The following FAM161B variants were observed in gnomAD, a reference collection of about 807,000 sequenced individuals.
FAM161B encodes protein FAM161B.
In FAM161B, 46 loss-of-function variants were observed where a neutral mutation model predicts 61.5. The observed-to-expected ratio is 0.75, with a 90% CI of 0.59 to 0.96. FAM161B has a LOEUF of 0.96. Among genes scored for constraint, FAM161B ranks in the 40% least tolerant of loss-of-function variants. FAM161B has a pLI of 0.00. For synonymous variants in FAM161B, 284 were observed against 302.7 expected (o/e 0.94, Z 0.64); for missense variants, 774 against 800.7 (o/e 0.97, Z 0.40).
intron 8 of FAM161B, among the ~76,000 whole-genome samples, chr14:73,935,388 C>T (rs772559801): frequency 9.9e-5 from 15 of 151,884 alleles, no homozygotes; most frequent in Non-Finnish European, 1.8e-4. Context: ...ATTAGCCAGG[C>T]GTGATGGCGG....
At chr14:73,929,064 G>A (rs2055874450), downstream of FAM161B, among the ~76,000 whole-genome samples, 1 of 152,200 alleles carries the variant, frequency 6.6e-6, no homozygotes, top group African/African-American at 2.4e-5. Flanking sequence ...TGCTGTCCTG[G>A]ATGTAGCTCA....
At chr14:73,949,017 C>G (rs2056097555) in intron 1 of FAM161B, among the ~76,000 whole-genome samples, 1 of 152,118 alleles carries the variant, frequency 6.6e-6, no homozygotes, top group Non-Finnish European at 1.5e-5. Flanking sequence ...CTCCCGGGTT[C>G]AAGTGATTCT....
chr14:73,924,772 G>A, the FAM161B span: 3 of 410,710 alleles, frequency 7.3e-6, no homozygotes, highest in South Asian at 3.6e-5. Flanking sequence ...TGCCTCCCAG[G>A]TTCAAGCGAT....
downstream of FAM161B, chr14:73,927,922 C>T (rs2055858105): frequency 6.0e-6 from 1 of 166,100 alleles, no homozygotes; most frequent in African/African-American, 2.4e-5. Flanking sequence ...ACTGCAACCT[C>T]TACCTCCTGG....
chr14:73,940,915 TG>T lies in FAM161B; in HGVS notation c.1400+10del. The T allele has an allele frequency of 6.2e-7, 1 of 1,605,246 alleles. No individual in the cohort carries two copies. ...ATCAGAGCATGGGTCTCGTGCAGCC[TG>T]ACCACTCACCTGACTGCAGATTCCC... is the stretch of plus-strand genomic sequence containing the variant. On this transcript the variant is annotated intron_variant, in intron 5 of 8. Coordinates refer to ENST00000286544, the MANE Select transcript of FAM161B (RefSeq NM_152445.3).
At position 73,942,278 on chromosome 14, in the gene FAM161B, C is replaced by A. The variant is rs1463922554; in HGVS notation, c.1272+91G>T. ...GGTGTTTAAAAAAAAGATAGGAAAA[C>A]CTTGTTGAGAAGTGCTTTCCAGGAA... On this transcript the variant is annotated intron_variant, in intron 4 of 8. Transcript: ENST00000286544. The A allele has an allele frequency of 5.3e-6, 7 of 1,328,552 alleles. No homozygotes were observed. In the Admixed American group the frequency reaches 1.7e-4, roughly 32 times the overall value. The allele number at this position is 1,328,552 out of a possible 1,614,324, so 82.3% of individuals were successfully genotyped here. A position where few individuals can be genotyped will look rare whatever the true frequency, so the allele number is the denominator to read the frequency against.
At chr14:73,935,739 G>A (rs1398551215) in intron 8 of FAM161B, among the ~76,000 whole-genome samples, 1 of 152,112 alleles carries the variant, frequency 6.6e-6, no homozygotes, top group Non-Finnish European at 1.5e-5. Context: ...GGAAGAAAAC[G>A]AAACATAATT....
At chr14:73,947,017 CA>C (rs1205627675) in intron 1 of FAM161B, among the ~76,000 whole-genome samples, 1 of 152,154 alleles carries the variant, frequency 6.6e-6, no homozygotes, top group Non-Finnish European at 1.5e-5. Context: ...ACTTCTTGCT[CA>C]TCTTCCTTCT....
Position 73,937,664 on chromosome 14 carries a change from C to T in FAM161B, c.1603G>A (p.Glu535Lys), listed in dbSNP as rs775312887. Residue 535 changes from glutamate to lysine, a missense_variant, in exon 7 of 9, where the codon GAA (glutamate) becomes AAA (lysine). Coordinates refer to ENST00000286544, the MANE Select transcript of FAM161B (RefSeq NM_152445.3). ...DRKRAKEYKK[E>K]LEEMKQRIQT... Reference sequence around the variant, plus strand: ...ATTCGCTGCTTCATTTCCTCCAGTTCTTTCTTATATTCTTTCGCTCTTTTA... The same window carrying T: ...ATTCGCTGCTTCATTTCCTCCAGTTTTTTCTTATATTCTTTCGCTCTTTTA... 10 of 1,614,076 alleles carry T rather than the reference C, an allele frequency of 6.2e-6. No homozygotes were observed. Among genetic ancestry groups the T allele is most frequent in the Non-Finnish European group, 8.5e-7 (1 of 1,180,026 alleles).
chr14:73,927,253 ATTT>A (rs2055847970), downstream of FAM161B: 1 of 218,440 alleles, frequency 4.6e-6, no homozygotes, highest in Non-Finnish European at 9.8e-6. Context: ...GCCCGGCTGT[ATTT>A]TTAGTAGAGA....
At chr14:73,931,456 A>G (rs777478575), downstream of FAM161B, 8 of 1,539,462 alleles carry the variant, frequency 5.2e-6, no homozygotes, top group Admixed American at 1.7e-5. Context: ...TATTTTTTCT[A>G]TAATTCAACT....
chr14:73,926,730 C>T (rs762728234), downstream of FAM161B, among the ~76,000 whole-genome samples: 4 of 102,026 alleles, frequency 3.9e-5, no homozygotes, highest in African/African-American at 5.8e-5. Flanking sequence ...CCACTGCGCC[C>T]GGCCAGGAAT....
At chr14:73,936,189 ACCCT>A in intron 7 of FAM161B, 101 bp from the exon 8 acceptor site, 1 of 1,290,274 alleles carries the variant, frequency 7.8e-7, no homozygotes, top group Non-Finnish European at 1.0e-6. Flanking sequence ...AACCACCACC[ACCCT>A]TATTGTGGGG....
rs1318395409 is a variant in FAM161B at position 73,938,006 on chromosome 14, CTT to C, written c.1505_1506del (p.Lys502SerfsTer6). ...AMSKSVTLRA[K>X]AMDPHKSLEE... ...TCCAGGCTTTTATGGGGATCCATGG[CTT>C]TTGCACGCAAGGTCACAGATTTGGA... On this transcript the variant is annotated frameshift_variant, in exon 6 of 9. Coordinates refer to ENST00000286544, the MANE Select transcript of FAM161B (RefSeq NM_152445.3). LOFTEE classifies it high-confidence loss of function. 6.2e-7 allele frequency: 1 copy of C among 1,614,176 alleles called. No homozygotes were observed. The highest frequency in any genetic ancestry group is 1.3e-5 in the African/African-American group (1 of 75,054).
rs938899960 is a variant in FAM161B at position 73,934,249 on chromosome 14, G to T, written c.*7C>A. 6.2e-7 allele frequency: 1 copy of T among 1,604,286 alleles called. No individual in the cohort carries two copies. The highest frequency in any genetic ancestry group is 1.8e-5 in the Admixed American group (1 of 56,650). On this transcript the variant is annotated 3_prime_UTR_variant, in exon 9 of 9. Transcript: ENST00000286544. Reference sequence around the variant, plus strand: ...TTTTTCAAAAGCAGTAATTTTAAGTGTAGTGATTAAGCAAGTGATACGAGA... The same window carrying T: ...TTTTTCAAAAGCAGTAATTTTAAGTTTAGTGATTAAGCAAGTGATACGAGA...
At chr14:73,943,672 T>G (rs780777167) in intron 3 of FAM161B, among the ~76,000 whole-genome samples, 8 of 152,212 alleles carry the variant, frequency 5.3e-5, no homozygotes. Flanking sequence ...AACTGCTCCC[T>G]TGCTTCACCA....
the FAM161B span, chr14:73,924,707 C>T: frequency 1.6e-5 from 7 of 444,720 alleles, no homozygotes; most frequent in East Asian, 2.1e-4. Context: ...GACAGAGTCT[C>T]GCTCCGTTGC....
intron 1 of FAM161B, 47 bp downstream of exon 1, chr14:73,949,926 C>G (rs1466039552): frequency 6.2e-7 from 1 of 1,608,578 alleles, no homozygotes. Context: ...CCAACAGTTT[C>G]CTCTCCGGGA....
chr14:73,949,681 A>C lies in FAM161B; in HGVS notation c.54+292T>G, dbSNP rs11848815. On this transcript the variant is annotated intron_variant, in intron 1 of 8. Coordinates refer to ENST00000286544, the MANE Select transcript of FAM161B (RefSeq NM_152445.3). ...GCCAAATTTGGGGAGCAATTTTCTT[A>C]ATCTCTTTGTGCCTCAGTTTTCTCT... Among the ~76,000 whole-genome samples, 426 of 145,216 alleles carry C rather than the reference A, an allele frequency of 2.9e-3. 4 individuals are homozygous for C. The highest frequency in any genetic ancestry group is 0.01 in the African/African-American group (415 of 40,598).
Sources: allele counts gnomAD v4.1 joint callset (sites outside exome capture counted in the v4.1 genomes callset), GRCh38; gene constraint gnomAD v4.1.1; transcripts MANE v1.5; gene names NCBI Gene and HGNC (gene_info 2026-07-23, HGNC 2026-07-21).